The following BMP2K variants were observed in gnomAD, a reference collection of about 807,000 sequenced individuals.
BMP2K encodes the protein BMP-2-inducible protein kinase.
Under a neutral mutation model 116.0 loss-of-function variants are expected in BMP2K, and 74 were observed. The observed-to-expected ratio is 0.64, with a 90% CI of 0.53 to 0.77. The LOEUF (loss-of-function observed/expected upper bound fraction) is 0.77. BMP2K is among the 30% of genes least tolerant of loss of function. The probability of loss-of-function intolerance (pLI) is 0.00; values close to 1 mark genes in which losing one functional copy is unlikely to be tolerated. For synonymous variants in BMP2K, 486 were observed against 502.5 expected (o/e 0.97, Z 0.44); for missense variants, 1,365 against 1,403.6 (o/e 0.97, Z 0.44).
chr4:78,882,660 GT>G (rs1314008333), intron 14 of BMP2K, among the ~76,000 whole-genome samples: 1 of 151,794 alleles, frequency 6.6e-6, no homozygotes, highest in East Asian at 1.9e-4. Flanking sequence ...AGTTATACTC[GT>G]TAATTAAAAC....
chr4:78,803,717 C>T (rs1728683352), intron 1 of BMP2K, among the ~76,000 whole-genome samples: 1 of 152,098 alleles, frequency 6.6e-6, no homozygotes, highest in South Asian at 2.1e-4. Context: ...TAGAGAATTA[C>T]TTTCCTGAGC....
intron 13 of BMP2K, among the ~76,000 whole-genome samples, chr4:78,877,020 G>A (rs889229145): frequency 6.6e-6 from 1 of 152,070 alleles, no homozygotes; most frequent in Non-Finnish European, 1.5e-5. Context: ...CATAGAAAAG[G>A]TAAAATAAAA....
At position 78,911,220 on chromosome 4, in the gene BMP2K, G is replaced by A. The variant is rs1734576783; in HGVS notation, c.2673G>A (p.Glu891=). The A allele has an allele frequency of 1.2e-6, 2 of 1,613,828 alleles. No homozygotes were observed. Among genetic ancestry groups the A allele is most frequent in the Non-Finnish European group, 1.7e-6 (2 of 1,179,852 alleles). The change falls in exon 16 of 16, where the codon GAG becomes GAA. Residue 891 remains glutamate (E), a synonymous_variant. Coordinates refer to ENST00000502613, the MANE Select transcript of BMP2K (RefSeq NM_198892.2). The stretch of plus-strand genomic sequence containing the variant: ...ACAGGTTTCCTGCTGCAGGACTGGA[G>A]CAGGAGGAATTTGATGTATTCACAA... ...PQHRFPAAGL[E]QEEFDVFTKA... is the part of the protein sequence containing the mutation.
chr4:78,891,183 A>C (rs894370265), intron 15 of BMP2K, among the ~76,000 whole-genome samples: 2 of 152,184 alleles, frequency 1.3e-5, no homozygotes, highest in Non-Finnish European at 2.9e-5. Context: ...ATAGTATTTT[A>C]GCTTCTCATA....
At chr4:78,896,519 A>G (rs771553386) in intron 15 of BMP2K, among the ~76,000 whole-genome samples, 1 of 152,140 alleles carries the variant, frequency 6.6e-6, no homozygotes, top group Non-Finnish European at 1.5e-5. Flanking sequence ...GTTTTTAGTG[A>G]TTAATAAGAA....
At chr4:78,801,438 GTTGT>G (rs1449480931) in intron 1 of BMP2K, among the ~76,000 whole-genome samples, 1 of 151,410 alleles carries the variant, frequency 6.6e-6, no homozygotes, top group Non-Finnish European at 1.5e-5. Flanking sequence ...TAAGGCAAAA[GTTGT>G]TTAACCTTCC....
In BMP2K at chr4:78,873,658, CTGTGTGTGTGTGTGTGTGTGTGTGTG is replaced by C. The variant is rs377226626; in HGVS notation, c.1793+882_1793+907del. On this transcript the variant is annotated intron_variant, in intron 13 of 15. Transcript: ENST00000502613. ...TTTGCTATAGAATGCCTCCCAACCTCTGTGTGTGTGTGTGTGTGTGTGTGTGTGTGTGTGTGTGTGTGTGTGTATGC... is the reference window on the plus strand; with the variant it reads ...TTTGCTATAGAATGCCTCCCAACCTCTGTGTGTGTGTGTGTGTGTGTATGC... Among the ~76,000 whole-genome samples the C allele has an allele frequency of 2.7e-3, 382 of 139,538 alleles. 4 individuals are homozygous for C. Among genetic ancestry groups the C allele is most frequent in the South Asian group, 0.013 (51 of 4,046 alleles). 91.5% of individuals were successfully genotyped at this position (139,538 alleles called of 152,430 possible). A position where few individuals can be genotyped will look rare whatever the true frequency, so the allele number is the denominator to read the frequency against.
chr4:78,791,996 T>C (rs910591423), intron 1 of BMP2K, among the ~76,000 whole-genome samples: 5 of 152,218 alleles, frequency 3.3e-5, no homozygotes, highest in Non-Finnish European at 7.3e-5. Flanking sequence ...TAATTCTATG[T>C]TTAATGTTTT....
At chr4:78,882,854 T>A (rs1162981452) in intron 14 of BMP2K, among the ~76,000 whole-genome samples, 2 of 152,030 alleles carry the variant, frequency 1.3e-5, no homozygotes, top group Admixed American at 6.5e-5. Flanking sequence ...AGCATCTGAA[T>A]CTGTAGTTTA....
intron 1 of BMP2K, among the ~76,000 whole-genome samples, chr4:78,823,513 G>T: frequency 1.4e-5 from 2 of 145,082 alleles, no homozygotes; most frequent in African/African-American, 2.5e-5. Context: ...GTTATATATA[G>T]TTATATATAT....
chr4:78,798,831 A>G (rs1006081696), intron 1 of BMP2K, among the ~76,000 whole-genome samples: 3 of 152,260 alleles, frequency 2.0e-5, no homozygotes, highest in African/African-American at 4.8e-5. Flanking sequence ...TAAGTGCTGA[A>G]TGAGAGAATA....
chr4:78,840,164 T>A (rs1053665176), intron 3 of BMP2K, among the ~76,000 whole-genome samples: 8 of 152,220 alleles, frequency 5.3e-5, no homozygotes, highest in Admixed American at 5.2e-4. Flanking sequence ...AAAATGTTGC[T>A]TTTTAATGTT....
At chr4:78,800,112 A>C (rs1728496016) in intron 1 of BMP2K, among the ~76,000 whole-genome samples, 1 of 152,168 alleles carries the variant, frequency 6.6e-6, no homozygotes, top group South Asian at 2.1e-4. Context: ...GAACAATTGT[A>C]GAGTGTGCTT....
intron 13 of BMP2K, among the ~76,000 whole-genome samples, chr4:78,875,800 C>G (rs1732605555): frequency 6.6e-6 from 1 of 152,170 alleles, no homozygotes; most frequent in African/African-American, 2.4e-5. Flanking sequence ...CAAAAGACTG[C>G]TTGAGTTTTC....
At chr4:78,867,753 C>T (rs1476500821) in intron 10 of BMP2K, among the ~76,000 whole-genome samples, 1 of 152,074 alleles carries the variant, frequency 6.6e-6, no homozygotes, top group Non-Finnish European at 1.5e-5. Context: ...ATAAATAATT[C>T]ATGTTGTATT....
At chr4:78,880,154 C>T (rs542321087) in intron 14 of BMP2K, among the ~76,000 whole-genome samples, 4 of 152,322 alleles carry the variant, frequency 2.6e-5, no homozygotes, top group African/African-American at 9.6e-5. Context: ...CTCACCGCAA[C>T]CTCCGCCTCC....
At chr4:78,837,898 C>T (rs1200695622) in intron 3 of BMP2K, among the ~76,000 whole-genome samples, 1 of 152,182 alleles carries the variant, frequency 6.6e-6, no homozygotes, top group Non-Finnish European at 1.5e-5. Flanking sequence ...CCACCTCAGC[C>T]TCCCAAAGTG....
At chr4:78,801,317 T>C (rs1191735581) in intron 1 of BMP2K, among the ~76,000 whole-genome samples, 2 of 151,630 alleles carry the variant, frequency 1.3e-5, no homozygotes, top group African/African-American at 4.9e-5. Flanking sequence ...CTGTGAATTA[T>C]CTTTATTGCC....
intron 13 of BMP2K, among the ~76,000 whole-genome samples, chr4:78,877,866 T>C (rs1371599355): frequency 6.6e-6 from 1 of 152,172 alleles, no homozygotes; most frequent in East Asian, 1.9e-4. Flanking sequence ...GTGATAGGAA[T>C]TTTTCAGCTC....
Sources: gnomAD v4.1 joint callset for allele counts (sites outside exome capture counted in the v4.1 genomes callset) on GRCh38, gnomAD v4.1.1 for gene constraint, MANE v1.5 for transcripts, NCBI Gene and HGNC (gene_info 2026-07-23, HGNC 2026-07-21) for gene names.